Variants in RNF213 observed in about 807,000 individuals in gnomAD.
RNF213 encodes the protein ring finger protein 213, also known as E3 ubiquitin-protein ligase RNF213.
In RNF213, 341 loss-of-function variants were observed where a neutral mutation model predicts 514.4. The observed-to-expected ratio is 0.66, with a 90% CI of 0.61 to 0.73. The LOEUF (loss-of-function observed/expected upper bound fraction) is 0.73. Ranked by LOEUF, RNF213 falls within the 30% of genes least tolerant of loss-of-function variation. The pLI is 0.00. For missense variants in RNF213, 5,767 were observed against 6,615.6 expected (o/e 0.87, Z 4.45); for synonymous variants, 2,655 against 2,658.2 (o/e 1.00, Z 0.04).
Position 80,337,874 on chromosome 17 carries a change from C to G in RNF213, c.4710C>G (p.Ser1570Arg). The change falls in exon 25 of 68, where the codon AGC becomes AGG. Residue 1570 changes from serine to arginine, a missense_variant. By Grantham distance (110) the Ser-to-Arg change is moderately radical (BLOSUM62 -1). Around this residue, in one of 13 missense-constraint regions of RNF213, gnomAD observed 1,377 missense variants for 1,635.2 expected, o/e 0.84. Transcript: ENST00000582970. ...DTVLHLILPE[S>R]PGSHEESREY... ...TTCTGCACTTGATCCTTCCTGAGAG[C>G]CCTGGCAGCCACGAGGAGTCACGAG... 1 of 1,537,254 alleles carries G rather than the reference C, an allele frequency of 6.5e-7. No homozygotes were observed. The highest frequency in any genetic ancestry group is 8.7e-7 in the Non-Finnish European group (1 of 1,146,902).
At chr17:80,329,953 C>G (rs530637503) in intron 20 of RNF213, among the ~76,000 whole-genome samples, 5 of 152,164 alleles carry the variant, frequency 3.3e-5, no homozygotes, top group Non-Finnish European at 7.4e-5. Flanking sequence ...TCTTCTCTTG[C>G]TGGAATTCCT....
rs945567018 is a variant in RNF213, at chr17:80,337,794, G to A, written c.4669-39G>A. On this transcript the variant is annotated intron_variant, in intron 24 of 67. Transcript: ENST00000582970. ...AGGCTGCTGCCAGTCCAGGTCTTCT[G>A]GCCCCAAGAAAGTGACTTCTAACCT... 4.6e-6 allele frequency: 7 copies of A among 1,536,354 alleles called. No individual in the cohort carries two copies. In the Admixed American group the frequency reaches 1.4e-4, roughly 30 times the overall value.
chr17:80,282,106 C>T (rs1398326507), intron 3 of RNF213, among the ~76,000 whole-genome samples: 2 of 152,150 alleles, frequency 1.3e-5, no homozygotes, highest in African/African-American at 4.8e-5. Context: ...ATCCGCCTGC[C>T]TTGACCTCCC....
Position 80,342,780 on chromosome 17 carries a change from G to C in RNF213, c.5990-352G>C, listed in dbSNP as rs971948686. Among the ~76,000 whole-genome samples, 11 of 142,162 alleles carry C rather than the reference G, an allele frequency of 7.7e-5. 1 individual carries two copies. The highest frequency in any genetic ancestry group is 3.8e-3 in the Middle Eastern group (1 of 262). 93.3% of individuals were successfully genotyped at this position (142,162 alleles called of 152,430 possible). On this transcript the variant is annotated intron_variant, in intron 26 of 67. Coordinates refer to ENST00000582970, the MANE Select transcript of RNF213 (RefSeq NM_001256071.3). ...TATATATTATATATATATATTTTTT[G>C]AGACAGAGTTTCGCTCTGTCACCCT...
At position 80,346,597 on chromosome 17, in the gene RNF213, G is replaced by C. The variant is rs2078320621; in HGVS notation, c.8262G>C (p.Met2754Ile). Residue 2754 changes from methionine (M) to isoleucine (I), a missense_variant, in exon 29 of 68, where the codon ATG becomes ATC. Physicochemically the swap from Met to Ile is conservative, Grantham distance 10 (BLOSUM62 1). This residue lies in a region of RNF213 where 105 missense variants were observed against 183.9 expected (regional missense o/e 0.57). Transcript: ENST00000582970. This position sits in a 1 kb window ranked among gnomAD's most constrained non-coding sequence, Gnocchi z 8.1. ...KNLALKENVFMMVVCIELKIP... is the reference protein window; with the variant it reads ...KNLALKENVFIMVVCIELKIP... ...TGGCCTTGAAGGAGAACGTCTTCAT[G>C]ATGGTCGTCTGCATCGAGCTGAAGA... The C allele has an allele frequency of 1.9e-6, 3 of 1,613,312 alleles. No homozygotes were observed. The highest frequency in any genetic ancestry group is 2.2e-5 in the East Asian group (1 of 44,886).
chr17:80,370,638 G>C (rs940120817), intron 46 of RNF213, among the ~76,000 whole-genome samples: 1 of 152,066 alleles, frequency 6.6e-6, no homozygotes, highest in Non-Finnish European at 1.5e-5. Flanking sequence ...ACTTTTCAAC[G>C]TTTTGTGGAA....
chr17:80,389,779 G>T (rs775488668), intron 65 of RNF213, 49 bp from the exon 66 acceptor site: 29 of 1,484,478 alleles, frequency 2.0e-5, no homozygotes, highest in Non-Finnish European at 2.3e-5. Context: ...CGACATGAGT[G>T]GGGGTGTGAG....
At chr17:80,383,530 G>T in intron 58 of RNF213, 147 bp from the exon 59 acceptor site, 2 of 785,448 alleles carry the variant, frequency 2.5e-6, no homozygotes, top group Non-Finnish European at 4.3e-6. Flanking sequence ...GAAATTAGAA[G>T]ATCAAAGGGA....
rs2046054500 is a variant in RNF213 at position 80,319,236 on chromosome 17, A to G, written c.2948A>G (p.Asp983Gly). Residue 983 changes from aspartate (D) to glycine (G), a missense_variant, in exon 17 of 68, where the codon GAC becomes GGC. Coordinates refer to ENST00000582970, the MANE Select transcript of RNF213 (RefSeq NM_001256071.3). ...QITAYCNSCW[D>G]TKGLEDSVAK... ...ACTGCCTACTGCAATAGTTGCTGGG[A>G]CACCAAAGGCTTAGAGGACAGTGTG... is the stretch of plus-strand genomic sequence containing the variant. The G allele has an allele frequency of 1.2e-6, 2 of 1,614,082 alleles. No homozygotes were observed. Among genetic ancestry groups the G allele is most frequent in the South Asian group, 2.2e-5 (2 of 91,086 alleles).
At chr17:80,356,284 G>A (rs922070180) in intron 36 of RNF213, among the ~76,000 whole-genome samples, 2 of 152,348 alleles carry the variant, frequency 1.3e-5, no homozygotes, top group South Asian at 4.1e-4. Flanking sequence ...TTCCAGGCGT[G>A]AGCCAGTGTG....
At position 80,353,308 on chromosome 17, in the gene RNF213, C is replaced by T. The variant is rs911346817; in HGVS notation, c.10424-204C>T. On this transcript the variant is annotated intron_variant, in intron 33 of 67. Coordinates refer to ENST00000582970, the MANE Select transcript of RNF213 (RefSeq NM_001256071.3). The surrounding 1 kb of genome is among the most constrained non-coding windows in gnomAD (Gnocchi z 5.0). ...GCCATGGAAGTGAGCACCTAGAACA[C>T]GCCAGAGCCCAGGCTGGAAGGAAGG... 2.6e-5 allele frequency: 20 copies of T among 783,660 alleles called. No homozygotes were observed. The highest frequency in any genetic ancestry group is 1.5e-4 in the Admixed American group (7 of 46,924). The allele number at this position is 783,660 out of a possible 1,614,324, so 48.5% of individuals were successfully genotyped here.
chr17:80,338,921 C>G (rs1180403481), intron 25 of RNF213, among the ~76,000 whole-genome samples: 1 of 150,360 alleles, frequency 6.7e-6, no homozygotes, highest in East Asian at 1.9e-4. Flanking sequence ...GCACTCCAGC[C>G]TGGGCAACAA....
chr17:80,288,582 G>C lies in RNF213; in HGVS notation c.811-51G>C. 1 of 1,613,994 alleles carries C rather than the reference G, an allele frequency of 6.2e-7. No individual in the cohort carries two copies. Among genetic ancestry groups the C allele is most frequent in the Non-Finnish European group, 8.5e-7 (1 of 1,180,026 alleles). ...CTGCCCCTTAAACCATTGAGTCGGA[G>C]TCACCCTGGCCCATTTTGTCACCTT... On this transcript the variant is annotated intron_variant, in intron 4 of 67. Transcript: ENST00000582970. The surrounding 1 kb of genome is among the most constrained non-coding windows in gnomAD (Gnocchi z 4.9).
chr17:80,282,787 C>T (rs946818607), intron 3 of RNF213, among the ~76,000 whole-genome samples: 2 of 152,028 alleles, frequency 1.3e-5, no homozygotes, highest in Admixed American at 6.6e-5. Flanking sequence ...ACCTCTGCCT[C>T]CTAGGTTCAA....
At chr17:80,266,634 G>A (rs954421143) in intron 2 of RNF213, among the ~76,000 whole-genome samples, 7 of 151,792 alleles carry the variant, frequency 4.6e-5, no homozygotes, top group African/African-American at 1.7e-4. Flanking sequence ...CCCAAGTAGC[G>A]GGGATTACAG....
chr17:80,383,211 C>T (rs1435520935), intron 58 of RNF213, 141 bp downstream of exon 58: 1 of 697,034 alleles, frequency 1.4e-6, no homozygotes, highest in East Asian at 2.7e-5. Context: ...TCCAATGCTC[C>T]CCACCTCGAG....
chr17:80,371,315 C>T (rs983389191), intron 46 of RNF213, among the ~76,000 whole-genome samples: 12 of 152,184 alleles, frequency 7.9e-5, no homozygotes, highest in Non-Finnish European at 1.2e-4. Flanking sequence ...AAATGTTCCT[C>T]GCTATTCCGA....
intron 10 of RNF213, among the ~76,000 whole-genome samples, chr17:80,297,521 A>C (rs1049096611): frequency 6.6e-6 from 1 of 151,962 alleles, no homozygotes; most frequent in Non-Finnish European, 1.5e-5. Flanking sequence ...TGGGAGGCTG[A>C]GGCAGGAGGG....
At chr17:80,327,359 G>T (rs183941195) in intron 18 of RNF213, among the ~76,000 whole-genome samples, 1 of 152,134 alleles carries the variant, frequency 6.6e-6, no homozygotes, top group Non-Finnish European at 1.5e-5. Flanking sequence ...AGTTTGCCAG[G>T]CATGGTGCTG....
Sources: allele counts gnomAD v4.1 joint callset (sites outside exome capture counted in the v4.1 genomes callset), GRCh38; gene constraint gnomAD v4.1.1; regional missense constraint gnomAD v4.1.1; non-coding constraint Gnocchi (gnomAD v3.1); transcripts MANE v1.5; gene names NCBI Gene and HGNC (gene_info 2026-07-23, HGNC 2026-07-21).